The following TACR1 variants were observed in gnomAD, a reference collection of about 807,000 sequenced individuals.
TACR1 encodes substance-P receptor.
A neutral mutation model predicts 35.8 loss-of-function variants in TACR1; 25 were observed. The observed-to-expected ratio is 0.70, with a 90% CI of 0.51 to 0.98. The LOEUF is 0.98. Among genes scored for constraint, TACR1 ranks in the 50% least tolerant of loss-of-function variants. The pLI is 0.00. For synonymous variants in TACR1, 195 were observed against 206.7 expected, an observed-to-expected ratio of 0.94 and a Z score of 0.48; for missense variants, 478 against 522.9, an observed-to-expected ratio of 0.91 and a Z score of 0.84.
chr2:75,140,215 GGGTAGGAGGCTGGGT>G, intron 1 of TACR1, among the ~76,000 whole-genome samples: 1 of 152,134 alleles, frequency 6.6e-6, no homozygotes, highest in South Asian at 2.1e-4. Flanking sequence ...GTATTTTTAG[GGGTAGGAGGCTGGGT>G]GGATGTAAGT....
intron 1 of TACR1, among the ~76,000 whole-genome samples, chr2:75,185,933 G>A (rs1675682901): frequency 6.6e-6 from 1 of 152,086 alleles, no homozygotes; most frequent in African/African-American, 2.4e-5. Context: ...TTAAGCATGA[G>A]GGATTATTTA....
chr2:75,097,180 A>G (rs1444603148), intron 2 of TACR1, among the ~76,000 whole-genome samples: 1 of 152,210 alleles, frequency 6.6e-6, no homozygotes, highest in Non-Finnish European at 1.5e-5. Context: ...CCACAATTAA[A>G]CAGTCAATTA....
chr2:75,152,774 T>G (rs1440381940), intron 1 of TACR1, among the ~76,000 whole-genome samples: 1 of 152,198 alleles, frequency 6.6e-6, no homozygotes, highest in African/African-American at 2.4e-5. Flanking sequence ...GCATTCCCAT[T>G]AGAGAAATTC....
intron 1 of TACR1, among the ~76,000 whole-genome samples, chr2:75,183,096 A>G (rs903983451): frequency 6.6e-6 from 1 of 152,248 alleles, no homozygotes; most frequent in African/African-American, 2.4e-5. Context: ...ATCTACATTT[A>G]CAAGCATGAG....
At chr2:75,196,229 T>G (rs1675969522) in intron 1 of TACR1, among the ~76,000 whole-genome samples, 1 of 152,194 alleles carries the variant, frequency 6.6e-6, no homozygotes, top group Admixed American at 6.5e-5. Flanking sequence ...GGAGAGGACT[T>G]AAAGCCCCCT....
intron 1 of TACR1, among the ~76,000 whole-genome samples, chr2:75,148,939 T>C (rs977966820): frequency 2.6e-5 from 4 of 152,248 alleles, no homozygotes; most frequent in Admixed American, 6.5e-5. Flanking sequence ...TCTCTGCATA[T>C]GGCTAGCCAG....
intron 2 of TACR1, among the ~76,000 whole-genome samples, chr2:75,060,375 G>A (rs1208601316): frequency 6.6e-6 from 1 of 152,188 alleles, no homozygotes; most frequent in African/African-American, 2.4e-5. Context: ...CAACCAAGCT[G>A]GTCAGGGAAG....
At chr2:75,167,986 T>G (rs998644144) in intron 1 of TACR1, among the ~76,000 whole-genome samples, 10 of 152,090 alleles carry the variant, frequency 6.6e-5, no homozygotes, top group Admixed American at 2.0e-4. Flanking sequence ...CATACACCAC[T>G]GGAGAAAGAT....
chr2:75,055,724 G>C lies in TACR1; in HGVS notation c.585-1969C>G, dbSNP rs1030118905. Among the ~76,000 whole-genome samples, 26 of 152,138 alleles carry C rather than the reference G, an allele frequency of 1.7e-4. 1 individual carries two copies. Among genetic ancestry groups the C allele is most frequent in the Non-Finnish European group, 1.6e-4 (11 of 68,036 alleles). Reference sequence around the variant, plus strand: ...GGAGGGACACTATGGTCAACTCGCCGATACTCCTTACCCTGGACCAGTGGC... The same window carrying C: ...GGAGGGACACTATGGTCAACTCGCCCATACTCCTTACCCTGGACCAGTGGC... On this transcript the variant is annotated intron_variant, in intron 2 of 4. Transcript: ENST00000305249.
intron 1 of TACR1, among the ~76,000 whole-genome samples, chr2:75,190,122 A>G (rs1225194689): frequency 6.6e-6 from 1 of 152,240 alleles, no homozygotes; most frequent in Non-Finnish European, 1.5e-5. Context: ...TCAAAGGCTA[A>G]AAAACACTGT....
At chr2:75,103,350 A>G (rs964026931) in intron 2 of TACR1, among the ~76,000 whole-genome samples, 3 of 152,112 alleles carry the variant, frequency 2.0e-5, no homozygotes, top group African/African-American at 7.2e-5. Context: ...GCACAAAACT[A>G]GAAACTAAAA....
In TACR1 at chr2:75,199,248, A is replaced by T. The variant is rs1676072504; in HGVS notation, c.-314T>A. 6.7e-6 allele frequency: 2 copies of T among 300,354 alleles called. No individual in the cohort carries two copies. The highest frequency in any genetic ancestry group is 2.1e-5 in the African/African-American group (1 of 47,986). The allele number at this position is 300,354 out of a possible 1,614,324, so 18.6% of individuals were successfully genotyped here. A position where few individuals can be genotyped will look rare whatever the true frequency, so the allele number is the denominator to read the frequency against. ...AAGGGAAAGAAATTCCACCGGTCAC[A>T]GTTCTAGGAAGCAAGAGATCCCCCG... On this transcript the variant is annotated 5_prime_UTR_variant, in exon 1 of 5. Transcript: ENST00000305249.
intron 3 of TACR1, among the ~76,000 whole-genome samples, chr2:75,052,376 A>C (rs1672486120): frequency 6.6e-6 from 1 of 152,180 alleles, no homozygotes; most frequent in Admixed American, 6.5e-5. Flanking sequence ...GCTGTGAGAA[A>C]TCAATTTCTA....
intron 1 of TACR1, among the ~76,000 whole-genome samples, chr2:75,150,742 G>T (rs1674651265): frequency 6.6e-6 from 1 of 152,198 alleles, no homozygotes; most frequent in Admixed American, 6.5e-5. Flanking sequence ...TTTGGAACTG[G>T]GTAACAGGTA....
intron 1 of TACR1, among the ~76,000 whole-genome samples, chr2:75,126,623 A>G (rs1285249574): frequency 6.6e-6 from 1 of 152,206 alleles, no homozygotes; most frequent in Non-Finnish European, 1.5e-5. Flanking sequence ...AATTGCAACA[A>G]AAGCAAAAAT....
At position 75,153,457 on chromosome 2, in the gene TACR1, T is replaced by C. The variant is rs1050335732; in HGVS notation, c.390-32689A>G. 4.6e-5 allele frequency among the ~76,000 whole-genome samples: 7 copies of C among 152,336 alleles called. No individual in the cohort carries two copies. In the South Asian group the frequency reaches 1.5e-3, roughly 32 times the overall value. On this transcript the variant is annotated intron_variant, in intron 1 of 4. Coordinates refer to ENST00000305249, the MANE Select transcript of TACR1 (RefSeq NM_001058.4). ...TGCTGAGAATTATTGACCTCTCTTGTGAAATGTCAATATTGACTGACTGCA... is the reference window on the plus strand; with the variant it reads ...TGCTGAGAATTATTGACCTCTCTTGCGAAATGTCAATATTGACTGACTGCA...
In TACR1 at chr2:75,129,551, A is replaced by G. The variant is rs530653895; in HGVS notation, c.390-8783T>C. 6.6e-5 allele frequency among the ~76,000 whole-genome samples: 10 copies of G among 152,350 alleles called. No individual in the cohort carries two copies. In the South Asian group the frequency reaches 1.9e-3, roughly 28 times the overall value. ...TGATGGATATGCTAATTACCCTGAT[A>G]TGACCATTACACATCGTATAGATGT... On this transcript the variant is annotated intron_variant, in intron 1 of 4. Transcript: ENST00000305249.
rs200706296 is a variant in TACR1 at position 75,049,732 on chromosome 2, C to T, written c.933-9G>A. 1,324 of 1,609,092 alleles carry T rather than the reference C, an allele frequency of 8.2e-4. 18 individuals carry two copies. In the South Asian group the frequency reaches 0.014, roughly 16 times the overall value. On this transcript the variant is annotated splice_polypyrimidine_tract_variant and intron_variant, in intron 4 of 4. Coordinates refer to ENST00000305249, the MANE Select transcript of TACR1 (RefSeq NM_001058.4). ...TGAAGCCCAGACGGAACCTGGAGAG[C>T]GAGCAGATGAAGAGGTGACCCTTTG...
At chr2:75,054,014 TA>T (rs942180915) in intron 2 of TACR1, among the ~76,000 whole-genome samples, 21 of 151,336 alleles carry the variant, frequency 1.4e-4, no homozygotes, top group East Asian at 1.4e-3. Flanking sequence ...CTGTTCAGAT[TA>T]AAAAAAAAGA....
Sources: allele counts gnomAD v4.1 joint callset (sites outside exome capture counted in the v4.1 genomes callset), GRCh38; gene constraint gnomAD v4.1.1; transcripts MANE v1.5; gene names NCBI Gene and HGNC (gene_info 2026-07-23, HGNC 2026-07-21).